The following NOM1 variants were observed in gnomAD, a reference collection of about 807,000 sequenced individuals.
The protein encoded by NOM1 is nucleolar MIF4G domain-containing protein 1.
NOM1 carries 58 observed loss-of-function variants against 73.3 expected under a neutral mutation model. The ratio of observed to expected loss-of-function variants is 0.79; its 90% CI spans 0.64 to 0.99. The LOEUF is 0.99. Among genes scored for constraint, NOM1 ranks in the 50% least tolerant of loss-of-function variants. The pLI is 0.00. For missense variants in NOM1, 1,226 were observed against 1,131.9 expected (o/e 1.08, Z -1.19); for synonymous variants, 487 against 446.8 (o/e 1.09, Z -1.14).
intron 5 of NOM1, among the ~76,000 whole-genome samples, 163 bp downstream of exon 5, chr7:156,962,424 G>A (rs1474728130): frequency 2.6e-5 from 4 of 152,218 alleles, no homozygotes; most frequent in African/African-American, 9.6e-5. Context: ...CTCAGGGGCT[G>A]TCCCAGTGGT....
rs1331502900 is a variant in NOM1 at position 156,971,937 on chromosome 7, AT to A, written c.*2236del. ...GTGACAGGTACTAAGAGAAGAGTGA[AT>A]TAAGTGAAAATCTTCCCTTTGTTAA... is the stretch of plus-strand genomic sequence containing the variant. On this transcript the variant is annotated 3_prime_UTR_variant, in exon 11 of 11. Coordinates refer to ENST00000275820, the MANE Select transcript of NOM1 (RefSeq NM_138400.2). 1 of 152,280 alleles carries A rather than the reference AT, an allele frequency of 6.6e-6. No individual in the cohort carries two copies. Among genetic ancestry groups the A allele is most frequent in the African/African-American group, 2.4e-5 (1 of 41,480 alleles). 9.4% of individuals were successfully genotyped at this position (152,280 alleles called of 1,614,324 possible). A position where few individuals can be genotyped will look rare whatever the true frequency, so the allele number is the denominator to read the frequency against.
intron 1 of NOM1, among the ~76,000 whole-genome samples, chr7:156,952,134 T>G (rs1258259719): frequency 6.6e-6 from 1 of 152,220 alleles, no homozygotes; most frequent in East Asian, 1.9e-4. Flanking sequence ...GTGCCTGCAG[T>G]AAGTTAAGGC....
At chr7:156,961,173 C>T (rs907480506) in intron 4 of NOM1, among the ~76,000 whole-genome samples, 8 of 152,030 alleles carry the variant, frequency 5.3e-5, no homozygotes, top group South Asian at 2.1e-4. Flanking sequence ...GGAGCACTGA[C>T]GTCTAGCTGC....
intron 2 of NOM1, 125 bp from the exon 3 acceptor site, chr7:156,953,978 G>A (rs920085589): frequency 1.4e-6 from 1 of 712,028 alleles, no homozygotes; most frequent in South Asian, 1.9e-5. Context: ...AATAGTTAAG[G>A]GGTCAAAAGT....
intron 1 of NOM1, among the ~76,000 whole-genome samples, chr7:156,951,573 G>T (rs2134768891): frequency 6.6e-6 from 1 of 152,260 alleles, no homozygotes; most frequent in African/African-American, 2.4e-5. Flanking sequence ...CAGCTTCTAT[G>T]TATACAAATA....
rs944404147 is a variant in NOM1, at chr7:156,966,492, C to G, written c.2166+90C>G. 6.7e-6 allele frequency: 10 copies of G among 1,487,528 alleles called. No individual in the cohort carries two copies. The African/African-American group carries it at 1.4e-4, about 21-fold the overall frequency. The allele number at this position is 1,487,528 out of a possible 1,614,324, so 92.1% of individuals were successfully genotyped here. On this transcript the variant is annotated intron_variant, in intron 8 of 10. Transcript: ENST00000275820. The stretch of plus-strand genomic sequence containing the variant: ...TCAACCCACCTGCAAAGGAGTTCCC[C>G]AAGTCAGGAGGCCCCTGATATCCCC...
At position 156,963,188 on chromosome 7, in the gene NOM1, A is replaced by G. The variant is rs777885380; in HGVS notation, c.1911+13A>G. On this transcript the variant is annotated intron_variant, in intron 6 of 10. Transcript: ENST00000275820. ...GCTTGTGGGGACGGTAGGGACACCC[A>G]TGCTCAAGGCTGCCAGGCAGAGGCA... 2 of 1,613,888 alleles carry G rather than the reference A, an allele frequency of 1.2e-6. No individual in the cohort carries two copies. The highest frequency in any genetic ancestry group is 1.7e-6 in the Non-Finnish European group (2 of 1,180,002).
At position 156,963,288 on chromosome 7, in the gene NOM1, T is replaced by C. The variant is rs745608759; in HGVS notation, c.1911+113T>C. 15 of 1,091,918 alleles carry C rather than the reference T, an allele frequency of 1.4e-5. No individual in the cohort carries two copies. The South Asian group carries it at 1.4e-4, about 10-fold the overall frequency. 67.6% of individuals were successfully genotyped at this position (1,091,918 alleles called of 1,614,324 possible). A position where few individuals can be genotyped will look rare whatever the true frequency, so the allele number is the denominator to read the frequency against. ...CTGTTCTTGAATGGTCACTGAAATGTACAAGGTTTATCTGGAGGCCTTACA... is the reference window on the plus strand; with the variant it reads ...CTGTTCTTGAATGGTCACTGAAATGCACAAGGTTTATCTGGAGGCCTTACA... On this transcript the variant is annotated intron_variant, in intron 6 of 10. Coordinates refer to ENST00000275820, the MANE Select transcript of NOM1 (RefSeq NM_138400.2).
chr7:156,960,560 G>T (rs954534092), intron 4 of NOM1, among the ~76,000 whole-genome samples: 1 of 152,096 alleles, frequency 6.6e-6, no homozygotes, highest in African/African-American at 2.4e-5. Context: ...ATTGTGTGCC[G>T]TTCAGATGAT....
intron 3 of NOM1, 66 bp from the exon 4 acceptor site, chr7:156,959,785 G>C: frequency 6.9e-7 from 1 of 1,449,336 alleles, no homozygotes; most frequent in Non-Finnish European, 9.6e-7. Context: ...TGCCAGTTCT[G>C]TGTGTTGAAG....
chr7:156,952,068 G>A (rs1804606758), intron 1 of NOM1, among the ~76,000 whole-genome samples: 1 of 152,070 alleles, frequency 6.6e-6, no homozygotes, highest in African/African-American at 2.4e-5. Context: ...ATTGTTTTTA[G>A]GACACTTTCC....
intron 9 of NOM1, 135 bp from the exon 10 acceptor site, chr7:156,968,952 G>A: frequency 4.7e-6 from 3 of 631,862 alleles, no homozygotes; most frequent in Non-Finnish European, 2.9e-6. Flanking sequence ...CTTAGCTCTG[G>A]AAATAGCTTC....
intron 1 of NOM1, among the ~76,000 whole-genome samples, chr7:156,952,242 T>C (rs982586075): frequency 6.6e-6 from 1 of 152,152 alleles, no homozygotes; most frequent in Non-Finnish European, 1.5e-5. Flanking sequence ...AACGAGATGG[T>C]GAAATGTATT....
At chr7:156,967,557 G>C (rs1462227978) in intron 9 of NOM1, among the ~76,000 whole-genome samples, 1 of 152,120 alleles carries the variant, frequency 6.6e-6, no homozygotes, top group Non-Finnish European at 1.5e-5. Context: ...CCCCAAGATG[G>C]GAGTTGCTCT....
chr7:156,967,543 C>T (rs937625674), intron 9 of NOM1, among the ~76,000 whole-genome samples: 11 of 104,278 alleles, frequency 1.1e-4, no homozygotes, highest in Admixed American at 3.1e-4. Flanking sequence ...CTTTTTTCTT[C>T]CCCCCCCAAG....
At position 156,963,977 on chromosome 7, in the gene NOM1, A is replaced by C. The variant is rs1279014098; in HGVS notation, c.1984A>C (p.Thr662Pro). 1 of 1,614,086 alleles carries C rather than the reference A, an allele frequency of 6.2e-7. No homozygotes were observed. Residue 662 changes from threonine to proline, a missense_variant, in exon 7 of 11, where the codon ACA (threonine) becomes CCA (proline). Coordinates refer to ENST00000275820, the MANE Select transcript of NOM1 (RefSeq NM_138400.2). ...AGACATCCGGAGAAACATATTCTGC[A>C]CAATAATGACAAGTGAAGATTTTTT... ...NTDIRRNIFC[T>P]IMTSEDFLDA...
rs1805144259 is a variant in NOM1, at chr7:156,971,692, G to A, written c.*1989G>A. On this transcript the variant is annotated 3_prime_UTR_variant, in exon 11 of 11. Coordinates refer to ENST00000275820, the MANE Select transcript of NOM1 (RefSeq NM_138400.2). ...AGTTTGTGTTTGGAAATCGTGATGT[G>A]AAGTCATCAGTATCTGTGCATATCC... is the stretch of plus-strand genomic sequence containing the variant. 6.6e-6 allele frequency: 1 copy of A among 152,240 alleles called. No individual in the cohort carries two copies. Among genetic ancestry groups the A allele is most frequent in the African/African-American group, 2.4e-5 (1 of 41,466 alleles). 9.4% of individuals were successfully genotyped at this position (152,240 alleles called of 1,614,324 possible). A position where few individuals can be genotyped will look rare whatever the true frequency, so the allele number is the denominator to read the frequency against.
chr7:156,967,584 T>G (rs183569405), intron 9 of NOM1, among the ~76,000 whole-genome samples: 37 of 152,236 alleles, frequency 2.4e-4, no homozygotes, highest in Middle Eastern at 3.4e-3. Context: ...CAGGCTGGAG[T>G]GCAGTGGTGC....
chr7:156,952,399 T>A (rs1207005126), intron 1 of NOM1, 75 bp from the exon 2 acceptor site: 1 of 1,491,548 alleles, frequency 6.7e-7, no homozygotes, highest in African/African-American at 1.4e-5. Flanking sequence ...AATATTTAAA[T>A]ACACATATGG....
Sources: allele counts gnomAD v4.1 joint callset (sites outside exome capture counted in the v4.1 genomes callset), GRCh38; gene constraint gnomAD v4.1.1; transcripts MANE v1.5; gene names NCBI Gene and HGNC (gene_info 2026-07-23, HGNC 2026-07-21).